SLC13A3: variants seen among roughly 807,000 people sequenced by gnomAD.
SLC13A3 encodes the protein Na(+)/dicarboxylate cotransporter 3.
SLC13A3 carries 40 observed loss-of-function variants against 59.0 expected under a neutral mutation model. The ratio of observed to expected loss-of-function variants is 0.68; its 90% CI spans 0.53 to 0.88. The LOEUF is 0.88. Among genes scored for constraint, SLC13A3 ranks in the 40% least tolerant of loss-of-function variants. The pLI is 0.00. For synonymous variants in SLC13A3, 317 were observed against 330.3 expected, an observed-to-expected ratio of 0.96 and a Z score of 0.44; for missense variants, 699 against 783.2, an observed-to-expected ratio of 0.89 and a Z score of 1.28.
At chr20:46,673,942 C>A (rs769791519), upstream of SLC13A3, among the ~76,000 whole-genome samples, 1 of 152,170 alleles carries the variant, frequency 6.6e-6, no homozygotes, top group South Asian at 2.1e-4. Context: ...GCTGGGGATA[C>A]AACAGTGATC....
intron 3 of SLC13A3, among the ~76,000 whole-genome samples, chr20:46,603,874 C>T (rs2062407943): frequency 6.6e-6 from 1 of 151,466 alleles, no homozygotes; most frequent in Admixed American, 6.6e-5. Flanking sequence ...GCTGGGTAGT[C>T]CCAGCTCTTG....
intron 11 of SLC13A3, among the ~76,000 whole-genome samples, chr20:46,563,901 G>T (rs1448231567): frequency 1.3e-5 from 2 of 152,198 alleles, no homozygotes; most frequent in Non-Finnish European, 2.9e-5. Context: ...ATGGGCTGGG[G>T]TGGTGTACCT....
upstream of SLC13A3, among the ~76,000 whole-genome samples, chr20:46,672,303 C>T (rs556059398): frequency 1.3e-5 from 2 of 152,362 alleles, no homozygotes; most frequent in South Asian, 4.1e-4. Flanking sequence ...TCCTGGGGTT[C>T]CTGGTGCTGC....
chr20:46,589,686 A>G (rs1196379421), intron 6 of SLC13A3, among the ~76,000 whole-genome samples: 1 of 152,244 alleles, frequency 6.6e-6, no homozygotes, highest in African/African-American at 2.4e-5. Flanking sequence ...GAGCCCAGAA[A>G]TAAACCCATC....
chr20:46,579,319 C>T (rs1218522724), intron 9 of SLC13A3, among the ~76,000 whole-genome samples: 1 of 152,014 alleles, frequency 6.6e-6, no homozygotes. Flanking sequence ...GAGACAGGCT[C>T]TTGTTATGTG....
At chr20:46,620,033 C>T (rs923341859) in intron 1 of SLC13A3, among the ~76,000 whole-genome samples, 8 of 152,212 alleles carry the variant, frequency 5.3e-5, no homozygotes, top group African/African-American at 1.9e-4. Flanking sequence ...TCTCCATCCT[C>T]CTAACAATAA....
chr20:46,655,431 C>T (rs529468935), upstream of SLC13A3, among the ~76,000 whole-genome samples: 8 of 149,030 alleles, frequency 5.4e-5, 1 homozygote, highest in African/African-American at 2.0e-4. Flanking sequence ...AAGCATGGTG[C>T]TGGCATCTGC....
upstream of SLC13A3, among the ~76,000 whole-genome samples, chr20:46,671,221 T>C (rs769937054): frequency 6.6e-6 from 1 of 152,190 alleles, no homozygotes; most frequent in Non-Finnish European, 1.5e-5. Context: ...AGTTAGTGAC[T>C]GAAGCGGGAA....
At chr20:46,567,157 A>G (rs2061988310) in intron 10 of SLC13A3, among the ~76,000 whole-genome samples, 3 of 152,130 alleles carry the variant, frequency 2.0e-5, no homozygotes, top group Admixed American at 2.0e-4. Context: ...ACGCCACTGC[A>G]CTCCAGCCTG....
chr20:46,657,187 A>C (rs75291672), intron 1 of SLC13A3, among the ~76,000 whole-genome samples: 1 of 152,082 alleles, frequency 6.6e-6, no homozygotes, highest in Non-Finnish European at 1.5e-5. Context: ...ATCATCAGAG[A>C]GCACTGAGCT....
chr20:46,571,597 G>A (rs2146090789), intron 10 of SLC13A3, among the ~76,000 whole-genome samples: 1 of 152,296 alleles, frequency 6.6e-6, no homozygotes, highest in South Asian at 2.1e-4. Context: ...TCTTCTAGGT[G>A]CCTAGAACAG....
In SLC13A3 at chr20:46,656,613, G is replaced by A. The variant is rs533541091; in HGVS notation, c.-31+13430C>T. Among the ~76,000 whole-genome samples, 536 of 144,300 alleles carry A rather than the reference G, an allele frequency of 3.7e-3. 19 individuals are homozygous for A. Among genetic ancestry groups the A allele is most frequent in the African/African-American group, 0.013 (508 of 37,862 alleles). 94.7% of individuals were successfully genotyped at this position (144,300 alleles called of 152,430 possible). A position where few individuals can be genotyped will look rare whatever the true frequency, so the allele number is the denominator to read the frequency against. On this transcript the variant is annotated intron_variant, in intron 1 of 12. Transcript: ENST00000290317. The stretch of plus-strand genomic sequence containing the variant: ...TACTGTATATGATATATACTATAGT[G>A]TATATATTATACTGTATATGATATA...
chr20:46,658,218 C>A (rs965674726), intron 1 of SLC13A3, among the ~76,000 whole-genome samples: 11 of 151,642 alleles, frequency 7.3e-5, no homozygotes, highest in East Asian at 5.8e-4. Context: ...CAAAAAAAAA[C>A]CCATTATGCT....
In SLC13A3 at chr20:46,618,434, T is replaced by G. The variant is rs553346361; in HGVS notation, c.112-4709A>C. Among the ~76,000 whole-genome samples the G allele has an allele frequency of 2.6e-5, 4 of 152,332 alleles. No individual in the cohort carries two copies. The East Asian group carries it at 7.7e-4, about 29-fold the overall frequency. On this transcript the variant is annotated intron_variant, in intron 1 of 12. Coordinates refer to ENST00000279027, the MANE Select transcript of SLC13A3 (RefSeq NM_022829.6). ...GGCAGACACCTCAGCACCTCCTTGC[T>G]ATGGTCTCAGTGTTTCTGTCCCCCC...
At chr20:46,642,606 C>T (rs775249010) in intron 1 of SLC13A3, among the ~76,000 whole-genome samples, 2 of 152,170 alleles carry the variant, frequency 1.3e-5, no homozygotes, top group African/African-American at 4.8e-5. Flanking sequence ...TGGCCTCTTG[C>T]GCTTCCCATT....
rs1361013099 is a variant in SLC13A3, at chr20:46,557,927, T to C, written c.*2095A>G. The C allele has an allele frequency of 6.6e-6, 1 of 152,232 alleles. No homozygotes were observed. The highest frequency in any genetic ancestry group is 2.4e-5 in the African/African-American group (1 of 41,460). The allele number at this position is 152,232 out of a possible 1,614,324, so 9.4% of individuals were successfully genotyped here. On this transcript the variant is annotated 3_prime_UTR_variant, in exon 13 of 13. Transcript: ENST00000279027. ...TCAGAGGAAGAGATGGCTTTCTTGT[T>C]AATTCTGGAGCAGATTCAAGCAGCA...
intron 3 of SLC13A3, among the ~76,000 whole-genome samples, chr20:46,604,529 T>C (rs1240283112): frequency 1.3e-5 from 2 of 152,160 alleles, no homozygotes; most frequent in Admixed American, 1.3e-4. Context: ...TACACAGCCA[T>C]GTGGACATTC....
intron 11 of SLC13A3, 138 bp downstream of exon 11, chr20:46,566,091 T>A: frequency 1.4e-6 from 1 of 691,326 alleles, no homozygotes; most frequent in East Asian, 2.6e-5. Context: ...AAAATTGTAC[T>A]GTGGTTCTGA....
rs561663184 is a variant in SLC13A3 at position 46,618,651 on chromosome 20, C to T, written c.112-4926G>A. On this transcript the variant is annotated intron_variant, in intron 1 of 12. Transcript: ENST00000279027. ...CTGTCTTTGAAGCAAAGAGCAAGGC[C>T]CCACCAGGCACTGAATCTGCCAGTG... Among the ~76,000 whole-genome samples, 19 of 152,324 alleles carry T rather than the reference C, an allele frequency of 1.2e-4. No individual in the cohort carries two copies. The East Asian group carries it at 3.3e-3, about 26-fold the overall frequency.
Sources: gnomAD v4.1 joint callset for allele counts (sites outside exome capture counted in the v4.1 genomes callset) on GRCh38, gnomAD v4.1.1 for gene constraint, MANE v1.5 for transcripts, NCBI Gene and HGNC (gene_info 2026-07-23, HGNC 2026-07-21) for gene names.